Variants in TBC1D22A observed in about 807,000 individuals in gnomAD.
TBC1D22A encodes the protein putative GTPase activator.
Under a neutral mutation model 60.2 loss-of-function variants are expected in TBC1D22A, and 38 were observed. The observed-to-expected ratio is 0.63, with a 90% CI of 0.49 to 0.83. The LOEUF is 0.83. Among genes scored for constraint, TBC1D22A ranks in the 40% least tolerant of loss-of-function variants. The pLI is 0.00. For synonymous variants in TBC1D22A, 302 were observed against 281.7 expected (o/e 1.07, Z -0.72); for missense variants, 628 against 701.0 (o/e 0.90, Z 1.18).
intron 1 of TBC1D22A, among the ~76,000 whole-genome samples, chr22:46,775,444 G>C (rs1403670135): frequency 1.3e-5 from 2 of 152,182 alleles, no homozygotes; most frequent in Non-Finnish European, 2.9e-5. Context: ...GGGGCCTTGG[G>C]AGTTGCTTTC....
chr22:46,804,213 C>T (rs1412839422), intron 4 of TBC1D22A, among the ~76,000 whole-genome samples: 1 of 152,246 alleles, frequency 6.6e-6, no homozygotes, highest in Non-Finnish European at 1.5e-5. Context: ...CCGGCCTTGG[C>T]CCCTTTTTGC....
chr22:46,936,794 C>T (rs17762560), intron 8 of TBC1D22A, among the ~76,000 whole-genome samples: 32,311 of 152,192 alleles, frequency 0.21, 4,058 homozygotes, highest in Non-Finnish European at 0.28. Context: ...CCCTGCTCTT[C>T]GTAAGCCACA....
At chr22:46,917,135 C>T (rs1029380424) in intron 8 of TBC1D22A, among the ~76,000 whole-genome samples, 4 of 152,200 alleles carry the variant, frequency 2.6e-5, no homozygotes, top group Non-Finnish European at 5.9e-5. Context: ...CAGCTAGGAA[C>T]AGGCGGAAGA....
At chr22:47,027,031 A>G (rs2062279620) in intron 10 of TBC1D22A, among the ~76,000 whole-genome samples, 1 of 152,230 alleles carries the variant, frequency 6.6e-6, no homozygotes, top group Admixed American at 6.5e-5. Context: ...AGCTTCAGTA[A>G]TCAAGACAGC....
chr22:46,919,037 T>C (rs1271697480), intron 8 of TBC1D22A, among the ~76,000 whole-genome samples: 1 of 152,136 alleles, frequency 6.6e-6, no homozygotes, highest in East Asian at 1.9e-4. Context: ...CCACTTAGAG[T>C]GTAAAGTTGA....
chr22:46,941,634 ACG>A (rs1204992788), intron 8 of TBC1D22A, among the ~76,000 whole-genome samples: 13 of 146,456 alleles, frequency 8.9e-5, no homozygotes, highest in Admixed American at 1.4e-4. Flanking sequence ...GAATATATAT[ACG>A]CGGAATATAT....
chr22:47,059,044 C>G (rs1041850710), intron 11 of TBC1D22A, among the ~76,000 whole-genome samples: 4 of 152,208 alleles, frequency 2.6e-5, no homozygotes, highest in African/African-American at 9.6e-5. Context: ...CTGGGCACTC[C>G]ACACACCCCT....
chr22:47,087,778 A>C (rs1312982691), intron 11 of TBC1D22A, among the ~76,000 whole-genome samples: 5 of 152,190 alleles, frequency 3.3e-5, no homozygotes, highest in Non-Finnish European at 7.3e-5. Flanking sequence ...CTTAAATATG[A>C]ATTAAGGTTC....
chr22:47,159,762 C>A (rs539619140), intron 12 of TBC1D22A, among the ~76,000 whole-genome samples: 1 of 151,740 alleles, frequency 6.6e-6, no homozygotes, highest in Non-Finnish European at 1.5e-5. Context: ...ACACTAAACA[C>A]CCACACCACA....
At chr22:47,112,949 G>A (rs556450941) in intron 12 of TBC1D22A, among the ~76,000 whole-genome samples, 45 of 152,336 alleles carry the variant, frequency 3.0e-4, no homozygotes, top group Non-Finnish European at 5.1e-4. Context: ...ATGTGGAGGC[G>A]ATAAGAGGGG....
intron 9 of TBC1D22A, among the ~76,000 whole-genome samples, chr22:46,982,002 A>G (rs1469933453): frequency 6.6e-6 from 1 of 152,188 alleles, no homozygotes; most frequent in African/African-American, 2.4e-5. Context: ...GTGGGGGATT[A>G]GCAGATTGAG....
chr22:46,858,961 C>A, intron 4 of TBC1D22A, among the ~76,000 whole-genome samples: 1 of 149,386 alleles, frequency 6.7e-6, no homozygotes. Context: ...AGACCAGAAT[C>A]CTTTTCGATA....
chr22:46,862,923 A>C (rs2087984015), intron 4 of TBC1D22A, among the ~76,000 whole-genome samples: 1 of 152,144 alleles, frequency 6.6e-6, no homozygotes, highest in African/African-American at 2.4e-5. Flanking sequence ...TCTAAATTAA[A>C]ATTTCTGTTT....
intron 9 of TBC1D22A, among the ~76,000 whole-genome samples, chr22:46,975,227 G>A (rs1225931670): frequency 1.3e-5 from 2 of 152,148 alleles, no homozygotes; most frequent in African/African-American, 2.4e-5. Flanking sequence ...GCATAGTGGC[G>A]AGTAAGGGTG....
At chr22:46,762,905 G>C (rs1315881621) in intron 1 of TBC1D22A, 57 bp downstream of exon 1, 14 of 1,440,878 alleles carry the variant, frequency 9.7e-6, no homozygotes, top group Admixed American at 6.3e-5. Context: ...AGGTGGCCGC[G>C]TTGGCCTCCT....
At chr22:47,135,532 CGGG>C (rs1387185007) in intron 12 of TBC1D22A, among the ~76,000 whole-genome samples, 1 of 151,936 alleles carries the variant, frequency 6.6e-6, no homozygotes, top group Admixed American at 6.5e-5. Context: ...GAGTTCCACT[CGGG>C]GGGCGCAGGT....
chr22:46,952,058 G>A (rs537275134), intron 8 of TBC1D22A, among the ~76,000 whole-genome samples: 4 of 152,352 alleles, frequency 2.6e-5, no homozygotes, highest in South Asian at 2.1e-4. Context: ...AGGGCACGTG[G>A]ATGTCCACAG....
chr22:46,980,865 A>G (rs967561080), intron 9 of TBC1D22A, among the ~76,000 whole-genome samples: 2 of 152,234 alleles, frequency 1.3e-5, no homozygotes, highest in African/African-American at 2.4e-5. Flanking sequence ...GAGAAGAGAA[A>G]GTCTCATAGG....
rs1403945694 is a variant in TBC1D22A, at chr22:46,990,313, G to A, written c.1126-7321G>A. On this transcript the variant is annotated intron_variant, in intron 9 of 12. Coordinates refer to ENST00000337137, the MANE Select transcript of TBC1D22A (RefSeq NM_014346.5). This position sits in a 1 kb window ranked among gnomAD's most constrained non-coding sequence, Gnocchi z 4.6. Reference sequence around the variant, plus strand: ...TCTTTTTTCCCTACCTTCTTTGGATGAATTGATTATTTTTTTCAATTAATG... The same window carrying A: ...TCTTTTTTCCCTACCTTCTTTGGATAAATTGATTATTTTTTTCAATTAATG... 1.3e-5 allele frequency among the ~76,000 whole-genome samples: 2 copies of A among 151,990 alleles called. No individual in the cohort carries two copies. The highest frequency in any genetic ancestry group is 2.4e-5 in the African/African-American group (1 of 41,354).
Sources: gnomAD v4.1 joint callset for allele counts (sites outside exome capture counted in the v4.1 genomes callset) on GRCh38, gnomAD v4.1.1 for gene constraint, Gnocchi (gnomAD v3.1) non-coding constraint, MANE v1.5 for transcripts, NCBI Gene and HGNC (gene_info 2026-07-23, HGNC 2026-07-21) for gene names.